Variants in DNAAF3 observed in about 807,000 individuals in gnomAD.
DNAAF3 encodes dynein axonemal assembly factor 3.
Under a neutral mutation model 50.9 loss-of-function variants are expected in DNAAF3, and 40 were observed. That is an observed-to-expected ratio of 0.79 (90% CI 0.61 to 1.02). The LOEUF is 1.02. Ranked by LOEUF, DNAAF3 falls within the 50% of genes least tolerant of loss-of-function variation. The pLI, the probability that DNAAF3 is intolerant of heterozygous loss-of-function variation, is 0.00. For synonymous variants in DNAAF3, 327 were observed against 322.8 expected (o/e 1.01, Z -0.14); for missense variants, 763 against 744.7 (o/e 1.02, Z -0.29).
chr19:55,162,028 A>G, intron 5 of DNAAF3, 105 bp downstream of exon 5: 1 of 1,344,454 alleles, frequency 7.4e-7, no homozygotes, highest in Non-Finnish European at 9.5e-7. Context: ...CTGGGATTCG[A>G]ACCCCCTAGC....
Position 55,161,920 on chromosome 19 carries a change from G to A in DNAAF3, c.481-95C>T. On this transcript the variant is annotated intron_variant, in intron 5 of 11. Transcript: ENST00000524407. The surrounding 1 kb of genome is among the most constrained non-coding windows in gnomAD (Gnocchi z 6.4). Reference sequence around the variant, plus strand: ...ACCCTCTCTTCCATCCCAGAACAGGGGAACGATTCCCCCGTTTCTCGGATG... The same window carrying A: ...ACCCTCTCTTCCATCCCAGAACAGGAGAACGATTCCCCCGTTTCTCGGATG... 1 of 1,327,796 alleles carries A rather than the reference G, an allele frequency of 7.5e-7. No homozygotes were observed. The highest frequency in any genetic ancestry group is 1.5e-5 in the African/African-American group (1 of 64,938). The allele number at this position is 1,327,796 out of a possible 1,614,324, so 82.3% of individuals were successfully genotyped here.
At position 55,161,677 on chromosome 19, in the gene DNAAF3, TC is replaced by T; in HGVS notation, c.628del (p.Asp210ThrfsTer6). ...ATGCAGCTTCATGCGCAGGTCCCAG[TC>T]GCTGACACCGCGCCGGGCGTCGTAG... ...SRYDARRGVS[D>X]WDLRMKLHDR... is the part of the protein sequence containing the mutation. On this transcript the variant is annotated frameshift_variant, in exon 6 of 12. Transcript: ENST00000524407. LOFTEE classifies it high-confidence loss of function. The surrounding 1 kb of genome is among the most constrained non-coding windows in gnomAD (Gnocchi z 6.4). 1.3e-6 allele frequency: 2 copies of T among 1,539,830 alleles called. No homozygotes were observed. Among genetic ancestry groups the T allele is most frequent in the South Asian group, 2.4e-5 (2 of 83,926 alleles).
intron 10 of DNAAF3, 79 bp from the exon 11 acceptor site, chr19:55,159,686 G>A: frequency 1.3e-6 from 2 of 1,596,766 alleles, no homozygotes; most frequent in South Asian, 2.3e-5. Flanking sequence ...CCCAGACAAT[G>A]AGGGAGGAGG....
intron 4 of DNAAF3, among the ~76,000 whole-genome samples, chr19:55,164,618 G>A (rs1261506711): frequency 2.0e-5 from 3 of 150,870 alleles, no homozygotes; most frequent in East Asian, 2.0e-4. Context: ...TCTGCCTCCC[G>A]GGTTCAAGTG....
At position 55,161,230 on chromosome 19, in the gene DNAAF3, G is replaced by T; in HGVS notation, c.790-43C>A. ...GAGGAGGCAGGTGAGGTCGATGTTG[G>T]GGCCCCTGACTCCTAGGACTCCGAG... On this transcript the variant is annotated intron_variant, in intron 7 of 11. Transcript: ENST00000524407. The surrounding 1 kb of genome is among the most constrained non-coding windows in gnomAD (Gnocchi z 6.4). 6.3e-7 allele frequency: 1 copy of T among 1,592,892 alleles called. No homozygotes were observed. Among genetic ancestry groups the T allele is most frequent in the East Asian group, 2.3e-5 (1 of 44,010 alleles).
chr19:55,160,555 A>G lies in DNAAF3; in HGVS notation c.1048+85T>C. The G allele has an allele frequency of 6.3e-7, 1 of 1,592,966 alleles. No individual in the cohort carries two copies. Among genetic ancestry groups the G allele is most frequent in the Non-Finnish European group, 8.5e-7 (1 of 1,172,966 alleles). On this transcript the variant is annotated intron_variant, in intron 9 of 11. Coordinates refer to ENST00000524407, the MANE Select transcript of DNAAF3 (RefSeq NM_001256715.2). The surrounding 1 kb of genome is among the most constrained non-coding windows in gnomAD (Gnocchi z 4.7). The stretch of plus-strand genomic sequence containing the variant: ...TCAAGAAGCCGTCACTTGCCCAGGC[A>G]TTCCAAATCATGTCAGTCCACACTC...
rs1371987115 is a variant in DNAAF3 at position 55,159,194 on chromosome 19, C to G, written c.1494G>C (p.Gln498His). 1 of 1,613,950 alleles carries G rather than the reference C, an allele frequency of 6.2e-7. No individual in the cohort carries two copies. The highest frequency in any genetic ancestry group is 1.1e-5 in the South Asian group (1 of 91,090). The change falls in exon 12 of 12, where the codon CAG becomes CAC. Residue 498 changes from glutamine (Q) to histidine (H), a missense_variant. Transcript: ENST00000524407. Reference sequence around the variant, plus strand: ...AGGGCTCACAGTGTGGGGTCCCACCCTGCAGAGGCTGGGTCAGGCCCTCAA... The same window carrying G: ...AGGGCTCACAGTGTGGGGTCCCACCGTGCAGAGGCTGGGTCAGGCCCTCAA... ...PALEGLTQPL[Q>H]GGTPHCEPCQ...
At position 55,161,774 on chromosome 19, in the gene DNAAF3, C is replaced by T. The variant is rs778351480; in HGVS notation, c.532G>A (p.Glu178Lys). 2.0e-6 allele frequency: 3 copies of T among 1,503,850 alleles called. No individual in the cohort carries two copies. The highest frequency in any genetic ancestry group is 2.2e-5 in the Admixed American group (1 of 45,576). The allele number at this position is 1,503,850 out of a possible 1,614,324, so 93.2% of individuals were successfully genotyped here. Reference sequence around the variant, plus strand: ...ATGGGGAACGCCTGGGGCCCTTTCTCGCCGCCAGCCCAGAAGCGGAATACG... The same window carrying T: ...ATGGGGAACGCCTGGGGCCCTTTCTTGCCGCCAGCCCAGAAGCGGAATACG... Reference protein sequence around the residue: ...EAVFRFWAGGEKGPQAFPMSR... With the variant: ...EAVFRFWAGGKKGPQAFPMSR... Residue 178 changes from glutamate to lysine, a missense_variant, in exon 6 of 12, where the codon GAG becomes AAG. Transcript: ENST00000524407. This position sits in a 1 kb window ranked among gnomAD's most constrained non-coding sequence, Gnocchi z 6.4.
In DNAAF3 at chr19:55,161,474, C is replaced by T. The variant is rs2085830764; in HGVS notation, c.664-56G>A. The T allele has an allele frequency of 7.8e-6, 12 of 1,544,808 alleles. No homozygotes were observed. The highest frequency in any genetic ancestry group is 3.7e-5 in the South Asian group (3 of 81,256). On this transcript the variant is annotated intron_variant, in intron 6 of 11. Coordinates refer to ENST00000524407, the MANE Select transcript of DNAAF3 (RefSeq NM_001256715.2). The surrounding 1 kb of genome is among the most constrained non-coding windows in gnomAD (Gnocchi z 6.4). ...TCAGTGAACCGAGCGTGGAGAGACC[C>T]CTACACCAGCCTCCCTCAGACCCAG...
At chr19:55,163,709 A>G (rs1188622659) in intron 4 of DNAAF3, among the ~76,000 whole-genome samples, 1 of 152,228 alleles carries the variant, frequency 6.6e-6, no homozygotes, top group Non-Finnish European at 1.5e-5. Context: ...CATATAATAT[A>G]TATACACATA....
intron 4 of DNAAF3, among the ~76,000 whole-genome samples, chr19:55,165,026 T>C (rs1236954578): frequency 1.9e-5 from 2 of 102,872 alleles, no homozygotes; most frequent in East Asian, 2.2e-4. Flanking sequence ...GCTCTCTTTT[T>C]TTTTTTTTTT....
At position 55,166,169 on chromosome 19, in the gene DNAAF3, G is replaced by T; in HGVS notation, c.85+160C>A. ...TCTGGGATTCGCAGTCCGCAGACAG[G>T]ACCTCGGGGCTGCCCCTGGGAGCGC... On this transcript the variant is annotated intron_variant, in intron 2 of 11. Coordinates refer to ENST00000524407, the MANE Select transcript of DNAAF3 (RefSeq NM_001256715.2). This position sits in a 1 kb window ranked among gnomAD's most constrained non-coding sequence, Gnocchi z 4.0. The T allele has an allele frequency of 6.5e-7, 1 of 1,550,314 alleles. No homozygotes were observed.
In DNAAF3 at chr19:55,159,589, G is replaced by A. The variant is rs1231697852; in HGVS notation, c.1182C>T (p.Ile394=). 1.2e-6 allele frequency: 2 copies of A among 1,611,298 alleles called. No homozygotes were observed. The highest frequency in any genetic ancestry group is 1.1e-5 in the South Asian group (1 of 90,630). ...GTGCCACACAGGCCCCAAGCTCAGG[G>A]ATGAGAAGATGGACCATACTGCAGA... ...YVACGMVHLL[I]PELGACVAPG... The change falls in exon 11 of 12, where the codon ATC becomes ATT. Residue 394 remains isoleucine (I), a synonymous_variant. Coordinates refer to ENST00000524407, the MANE Select transcript of DNAAF3 (RefSeq NM_001256715.2).
rs1172474845 is a variant in DNAAF3 at position 55,166,142 on chromosome 19, A to G, written c.86-142T>C. 16 of 1,556,824 alleles carry G rather than the reference A, an allele frequency of 1.0e-5. No individual in the cohort carries two copies. Among genetic ancestry groups the G allele is most frequent in the Non-Finnish European group, 1.3e-5 (15 of 1,151,398 alleles). On this transcript the variant is annotated intron_variant, in intron 2 of 11. Coordinates refer to ENST00000524407, the MANE Select transcript of DNAAF3 (RefSeq NM_001256715.2). This position sits in a 1 kb window ranked among gnomAD's most constrained non-coding sequence, Gnocchi z 4.0. ...CTAAGGGGAGGTGTTTCCTCTGAGT[A>G]TTCTGGGATTCGCAGTCCGCAGACA...
Position 55,161,523 on chromosome 19 carries a change from T to G in DNAAF3, c.664-105A>C. ...AGGAGTCCAGGTCCCCAGGCCCTCC[T>G]CCCTCAGACCCAGGAGTTCAGGCCC... On this transcript the variant is annotated intron_variant, in intron 6 of 11. Coordinates refer to ENST00000524407, the MANE Select transcript of DNAAF3 (RefSeq NM_001256715.2). The surrounding 1 kb of genome is among the most constrained non-coding windows in gnomAD (Gnocchi z 6.4). 2.7e-6 allele frequency: 4 copies of G among 1,491,200 alleles called. No individual in the cohort carries two copies. Among genetic ancestry groups the G allele is most frequent in the Non-Finnish European group, 3.6e-6 (4 of 1,122,292 alleles). The allele number at this position is 1,491,200 out of a possible 1,614,324, so 92.4% of individuals were successfully genotyped here. A position where few individuals can be genotyped will look rare whatever the true frequency, so the allele number is the denominator to read the frequency against.
rs1203366241 is a variant in DNAAF3 at position 55,161,873 on chromosome 19, C to G, written c.481-48G>C. The G allele has an allele frequency of 3.6e-6, 5 of 1,391,160 alleles. No individual in the cohort carries two copies. In the East Asian group the frequency reaches 8.7e-5, roughly 24 times the overall value. 86.2% of individuals were successfully genotyped at this position (1,391,160 alleles called of 1,614,324 possible). On this transcript the variant is annotated intron_variant, in intron 5 of 11. Transcript: ENST00000524407. This position sits in a 1 kb window ranked among gnomAD's most constrained non-coding sequence, Gnocchi z 6.4. ...GGACAGAGGAAGGCAGAGAGGGATG[C>G]AGGGAGAGCGGATTCTAATTGACCC...
Position 55,161,019 on chromosome 19 carries a change from GACCCCCAGCCCCACCTCT to G in DNAAF3, c.912+28_912+45del. 1.3e-6 allele frequency: 2 copies of G among 1,499,474 alleles called. No individual in the cohort carries two copies. The highest frequency in any genetic ancestry group is 1.8e-6 in the Non-Finnish European group (2 of 1,125,146). The allele number at this position is 1,499,474 out of a possible 1,614,324, so 92.9% of individuals were successfully genotyped here. A position where few individuals can be genotyped will look rare whatever the true frequency, so the allele number is the denominator to read the frequency against. ...GGGGGCGGGGCCTTGCGCACCCACCGACCCCCAGCCCCACCTCTACCCCCAGTCCCAGCCTCGCCGCGC... is the reference window on the plus strand; with the variant it reads ...GGGGGCGGGGCCTTGCGCACCCACCGACCCCCAGTCCCAGCCTCGCCGCGC... On this transcript the variant is annotated intron_variant, in intron 8 of 11. Transcript: ENST00000524407. This position sits in a 1 kb window ranked among gnomAD's most constrained non-coding sequence, Gnocchi z 6.4.
rs530225472 is a variant in DNAAF3, at chr19:55,161,623, C to T, written c.663+20G>A. On this transcript the variant is annotated intron_variant, in intron 6 of 11. Transcript: ENST00000524407. The surrounding 1 kb of genome is among the most constrained non-coding windows in gnomAD (Gnocchi z 6.4). Reference sequence around the variant, plus strand: ...AGACCCAGGGGTCCAGGCCCCCAGCCCCTCTCCTGGGCCCCTCACCCCGCG... The same window carrying T: ...AGACCCAGGGGTCCAGGCCCCCAGCTCCTCTCCTGGGCCCCTCACCCCGCG... The T allele has an allele frequency of 1.2e-5, 19 of 1,527,652 alleles. No individual in the cohort carries two copies. The African/African-American group carries it at 1.9e-4, about 15-fold the overall frequency. The allele number at this position is 1,527,652 out of a possible 1,614,324, so 94.6% of individuals were successfully genotyped here.
intron 3 of DNAAF3, 66 bp from the exon 4 acceptor site, chr19:55,165,529 G>A: frequency 2.7e-6 from 4 of 1,506,150 alleles, no homozygotes; most frequent in South Asian, 1.1e-5. Flanking sequence ...AGACCCAGGA[G>A]AGCAGGCCCT....
Sources: allele counts gnomAD v4.1 joint callset (sites outside exome capture counted in the v4.1 genomes callset), GRCh38; gene constraint gnomAD v4.1.1; non-coding constraint Gnocchi (gnomAD v3.1); transcripts MANE v1.5; gene names NCBI Gene and HGNC (gene_info 2026-07-23, HGNC 2026-07-21).